The following MBD5 variants were observed in gnomAD, a reference collection of about 807,000 sequenced individuals.
The protein encoded by MBD5 is methyl-CpG-binding domain protein 5.
In MBD5, 13 loss-of-function variants were observed where a neutral mutation model predicts 117.3. The ratio of observed to expected loss-of-function variants is 0.11; its 90% confidence interval spans 0.07 to 0.18. MBD5 has a LOEUF of 0.18. MBD5 is among the 10% of genes least tolerant of loss of function. MBD5 has a pLI of 1.00. For synonymous variants in MBD5, 727 were observed against 766.4 expected (o/e 0.95, Z 0.85); for missense variants, 1,879 against 2,093.8 (o/e 0.90, Z 2.00).
intron 3 of MBD5, among the ~76,000 whole-genome samples, chr2:148,334,695 G>T (rs897138387): frequency 6.6e-6 from 1 of 152,128 alleles, no homozygotes; most frequent in East Asian, 1.9e-4. Context: ...TTTTGGAAAG[G>T]GATAGAGTTA....
intron 13 of MBD5, among the ~76,000 whole-genome samples, chr2:148,510,669 T>C (rs571213042): frequency 1.8e-4 from 28 of 152,380 alleles, no homozygotes; most frequent in Admixed American, 4.6e-4. Context: ...CTGTTAAAAA[T>C]GTGAATTGTC....
At chr2:148,450,820 G>T (rs1448884166) in intron 4 of MBD5, among the ~76,000 whole-genome samples, 2 of 152,128 alleles carry the variant, frequency 1.3e-5, no homozygotes, top group Admixed American at 6.6e-5. Flanking sequence ...TTAGTTCAAT[G>T]AAGACTTCTA....
At chr2:148,365,858 C>G (rs931085895) in intron 4 of MBD5, among the ~76,000 whole-genome samples, 1 of 151,826 alleles carries the variant, frequency 6.6e-6, no homozygotes, top group Admixed American at 6.6e-5. Context: ...AAAAAAAACC[C>G]CAGACCAGAT....
chr2:148,335,677 C>T lies in MBD5; in HGVS notation c.-679-6537C>T, dbSNP rs1290789709. On this transcript the variant is annotated intron_variant, in intron 3 of 13. Coordinates refer to ENST00000642680, the MANE Select transcript of MBD5 (RefSeq NM_001378120.1). ...AAAGTTGCAGTGAGCCATGATCGCA[C>T]CACTGCTCTCCAGGCTAGGTGACAG... is the stretch of plus-strand genomic sequence containing the variant. 6.6e-5 allele frequency among the ~76,000 whole-genome samples: 10 copies of T among 152,050 alleles called. No homozygotes were observed. The East Asian group carries it at 1.9e-3, about 29-fold the overall frequency.
chr2:148,433,158 C>G (rs190134816), intron 4 of MBD5, among the ~76,000 whole-genome samples: 92 of 152,076 alleles, frequency 6.0e-4, no homozygotes, highest in African/African-American at 1.6e-3. Flanking sequence ...CTGATTTGAC[C>G]TCAGCTTTGA....
chr2:148,226,374 G>C, intron 2 of MBD5, among the ~76,000 whole-genome samples: 1 of 151,674 alleles, frequency 6.6e-6, no homozygotes, highest in Non-Finnish European at 1.5e-5. Context: ...TTGGTTTTTT[G>C]TCCTTGTGAT....
intron 1 of MBD5, among the ~76,000 whole-genome samples, chr2:148,065,187 A>G (rs572297260): frequency 7.2e-5 from 11 of 152,282 alleles, no homozygotes; most frequent in Non-Finnish European, 1.2e-4. Context: ...GGTAGTACTC[A>G]GGGAAAGGCA....
At position 148,178,730 on chromosome 2, in the gene MBD5, T is replaced by G. The variant is rs1366628924; in HGVS notation, c.-894T>G. On this transcript the variant is annotated 5_prime_UTR_variant, in exon 2 of 14. Transcript: ENST00000642680. ...CATTGAAGATGTCAGTTTCTACATG[T>G]GGGAAGTAGACATTGAAGGCTTTAT... 10 of 398,494 alleles carry G rather than the reference T, an allele frequency of 2.5e-5. No individual in the cohort carries two copies. Among genetic ancestry groups the G allele is most frequent in the African/African-American group, 1.4e-4 (7 of 48,728 alleles). 24.7% of individuals were successfully genotyped at this position (398,494 alleles called of 1,614,324 possible). A position where few individuals can be genotyped will look rare whatever the true frequency, so the allele number is the denominator to read the frequency against.
intron 4 of MBD5, among the ~76,000 whole-genome samples, chr2:148,387,839 A>G (rs1023447480): frequency 1.3e-5 from 2 of 152,178 alleles, no homozygotes; most frequent in Non-Finnish European, 2.9e-5. Flanking sequence ...AAAAAACTAT[A>G]GACTTTATTG....
intron 2 of MBD5, among the ~76,000 whole-genome samples, 162 bp downstream of exon 2, chr2:148,178,955 A>G (rs1427233421): frequency 6.6e-6 from 1 of 152,240 alleles, no homozygotes; most frequent in African/African-American, 2.4e-5. Context: ...TTATTCCATA[A>G]TATCATCTTG....
At chr2:148,026,598 A>T (rs75034382) in intron 1 of MBD5, 70 of 152,250 alleles carry the variant, frequency 4.6e-4, no homozygotes, top group African/African-American at 1.7e-3. Context: ...AATCCAGCCT[A>T]GGCCACAGAG....
intron 4 of MBD5, among the ~76,000 whole-genome samples, chr2:148,424,199 A>C (rs1344200957): frequency 3.6e-5 from 3 of 84,030 alleles, no homozygotes; most frequent in Non-Finnish European, 7.2e-5. Context: ...AAAAAAAAAA[A>C]AAAAAAAAAA....
At chr2:148,163,191 A>G (rs1357472735) in intron 1 of MBD5, among the ~76,000 whole-genome samples, 2 of 152,232 alleles carry the variant, frequency 1.3e-5, no homozygotes, top group Non-Finnish European at 2.9e-5. Flanking sequence ...TTTTTAAAAA[A>G]TGTTCTTTTA....
chr2:148,150,895 A>C (rs1474020720), intron 1 of MBD5, among the ~76,000 whole-genome samples: 1 of 152,128 alleles, frequency 6.6e-6, no homozygotes, highest in African/African-American at 2.4e-5. Flanking sequence ...AAACAGGGAC[A>C]ATTTGGCTTC....
At chr2:148,130,293 C>T (rs1240981319) in intron 1 of MBD5, among the ~76,000 whole-genome samples, 1 of 152,164 alleles carries the variant, frequency 6.6e-6, no homozygotes, top group East Asian at 1.9e-4. Context: ...ATTAGAACTA[C>T]TGTACTTCTC....
chr2:148,186,155 G>T (rs112821084), intron 2 of MBD5, among the ~76,000 whole-genome samples: 1 of 152,174 alleles, frequency 6.6e-6, no homozygotes, highest in African/African-American at 2.4e-5. Context: ...GAATTCCAAC[G>T]TGTTGTGTGA....
intron 3 of MBD5, among the ~76,000 whole-genome samples, chr2:148,249,056 G>C (rs1453693698): frequency 6.6e-6 from 1 of 151,942 alleles, no homozygotes; most frequent in Non-Finnish European, 1.5e-5. Flanking sequence ...ACAAATTTTA[G>C]GAGAACATCT....
In MBD5 at chr2:148,439,122, G is replaced by A. The variant is rs78057007; in HGVS notation, c.-556-19081G>A. 3.9e-3 allele frequency among the ~76,000 whole-genome samples: 597 copies of A among 152,200 alleles called. 5 individuals are homozygous for A. The highest frequency in any genetic ancestry group is 0.012 in the African/African-American group (519 of 41,536). On this transcript the variant is annotated intron_variant, in intron 4 of 13. Coordinates refer to ENST00000642680, the MANE Select transcript of MBD5 (RefSeq NM_001378120.1). ...ACCTAACATGATCCAACTATCTGAC[G>A]TACAAGTGAAAATCACTAATCCCTT... is the stretch of plus-strand genomic sequence containing the variant.
intron 1 of MBD5, chr2:148,027,412 TAAA>T (rs1316780390): frequency 2.6e-5 from 4 of 152,100 alleles, no homozygotes; most frequent in South Asian, 2.1e-4. Context: ...GAAAAAAAAT[TAAA>T]AACTTTTTTT....
Sources: allele counts gnomAD v4.1 joint callset (sites outside exome capture counted in the v4.1 genomes callset), GRCh38; gene constraint gnomAD v4.1.1; transcripts MANE v1.5; gene names NCBI Gene and HGNC (gene_info 2026-07-23, HGNC 2026-07-21).